The following NETO2 variants were observed in gnomAD, a reference collection of about 807,000 sequenced individuals.
NETO2 encodes neuropilin and tolloid-like protein 2.
A neutral mutation model predicts 62.5 loss-of-function variants in NETO2; 28 were observed. That is an observed-to-expected ratio of 0.45 (90% CI 0.33 to 0.61). The LOEUF is 0.61. Among genes scored for constraint, NETO2 ranks in the 20% least tolerant of loss-of-function variants. NETO2 has a pLI of 0.02. For missense variants in NETO2, 548 were observed against 643.2 expected, an observed-to-expected ratio of 0.85 and a Z score of 1.60; for synonymous variants, 214 against 219.1, an observed-to-expected ratio of 0.98 and a Z score of 0.21.
chr16:47,101,177 G>GA (rs1012507783), intron 7 of NETO2, among the ~76,000 whole-genome samples: 1 of 151,572 alleles, frequency 6.6e-6, no homozygotes, highest in Non-Finnish European at 1.5e-5. Context: ...GACCCAATGA[G>GA]AAAAACCACA....
At chr16:47,130,589 A>G (rs189415849) in intron 2 of NETO2, among the ~76,000 whole-genome samples, 24 of 152,270 alleles carry the variant, frequency 1.6e-4, no homozygotes, top group African/African-American at 5.3e-4. Context: ...TAAATCTATA[A>G]GACAAAAACA....
rs777140289 is a variant in NETO2 at position 47,082,012 on chromosome 16, T to C, written c.*1209A>G. On this transcript the variant is annotated 3_prime_UTR_variant, in exon 9 of 9. Transcript: ENST00000562435. ...TGTGAACACTGAAAGGAATCTGTCC[T>C]GTAGGTCTTTCATCTTGATTTAATA... 4.6e-5 allele frequency: 7 copies of C among 152,796 alleles called. No individual in the cohort carries two copies. Among genetic ancestry groups the C allele is most frequent in the Non-Finnish European group, 8.8e-5 (6 of 68,022 alleles). The allele number at this position is 152,796 out of a possible 1,614,324, so 9.5% of individuals were successfully genotyped here.
chr16:47,080,164 T>C lies in NETO2; in HGVS notation c.*3057A>G, dbSNP rs927974141. On this transcript the variant is annotated 3_prime_UTR_variant, in exon 9 of 9. Coordinates refer to ENST00000562435, the MANE Select transcript of NETO2 (RefSeq NM_018092.5). ...ACACTCTCCCCACACACAAAAGGAATATCACATCTTATTCCTACATGCTTT... is the reference window on the plus strand; with the variant it reads ...ACACTCTCCCCACACACAAAAGGAACATCACATCTTATTCCTACATGCTTT... 6.6e-6 allele frequency: 1 copy of C among 152,248 alleles called. No homozygotes were observed. Among genetic ancestry groups the C allele is most frequent in the Admixed American group, 6.5e-5 (1 of 15,288 alleles). 9.4% of individuals were successfully genotyped at this position (152,248 alleles called of 1,614,324 possible). A position where few individuals can be genotyped will look rare whatever the true frequency, so the allele number is the denominator to read the frequency against.
In NETO2 at chr16:47,128,429, C is replaced by G. The variant is rs1964199029; in HGVS notation, c.377G>C (p.Ser126Thr). Reference protein sequence around the residue: ...PLIDRYCGVKSPPLIRSTGRF... With the variant: ...PLIDRYCGVKTPPLIRSTGRF... ...CCCTGTTGATCTAATTAATGGAGGG[C>G]TTTTCACGCCACAGTAACGATCTAT... is the stretch of plus-strand genomic sequence containing the variant. The change falls in exon 4 of 9, where the codon AGC (serine) becomes ACC (threonine). Residue 126 changes from serine (S) to threonine (T), a missense_variant. Coordinates refer to ENST00000562435, the MANE Select transcript of NETO2 (RefSeq NM_018092.5). The G allele has an allele frequency of 6.2e-7, 1 of 1,614,074 alleles. No homozygotes were observed.
intron 7 of NETO2, among the ~76,000 whole-genome samples, chr16:47,105,031 C>CT (rs966217650): frequency 1.8e-4 from 25 of 141,864 alleles, no homozygotes; most frequent in Non-Finnish European, 3.2e-4. Flanking sequence ...TTTTTTTTTT[C>CT]TTTTTTTTAC....
rs33994080 is a variant in NETO2 at position 47,114,439 on chromosome 16, C to CTTT, written c.655-4731_655-4729dup. On this transcript the variant is annotated intron_variant, in intron 6 of 8. Coordinates refer to ENST00000562435, the MANE Select transcript of NETO2 (RefSeq NM_018092.5). Reference sequence around the variant, plus strand: ...TTTCATTAGTCCAATTTATAAATTTCTTTTTTTTTTTTTTTTTTTTTTTTT... The same window carrying CTTT: ...TTTCATTAGTCCAATTTATAAATTTCTTTTTTTTTTTTTTTTTTTTTTTTTTTT... Among the ~76,000 whole-genome samples the CTTT allele has an allele frequency of 5.5e-4, 21 of 37,932 alleles. 2 individuals carry two copies. Among genetic ancestry groups the CTTT allele is most frequent in the Non-Finnish European group, 7.6e-4 (15 of 19,746 alleles). The allele number at this position is 37,932 out of a possible 152,430, so 24.9% of individuals were successfully genotyped here.
At position 47,122,724 on chromosome 16, in the gene NETO2, T is replaced by C; in HGVS notation, c.587A>G (p.Glu196Gly). 6.2e-7 allele frequency: 1 copy of C among 1,614,132 alleles called. No homozygotes were observed. Among genetic ancestry groups the C allele is most frequent in the Non-Finnish European group, 8.5e-7 (1 of 1,180,022 alleles). The change falls in exon 6 of 9, where the codon GAG becomes GGG. Residue 196 changes from glutamate to glycine, a missense_variant. Physicochemically the swap from Glu to Gly is moderately conservative, Grantham distance 98. Transcript: ENST00000562435. ...GGCTTGGCCTGGTTTTGTTTTCTCCTCTTGTTCTACCTGACTAGAGCGCAC... is the reference window on the plus strand; with the variant it reads ...GGCTTGGCCTGGTTTTGTTTTCTCCCCTTGTTCTACCTGACTAGAGCGCAC... ...GIVRSSQVEQ[E>G]EKTKPGQAVD...
intron 6 of NETO2, among the ~76,000 whole-genome samples, chr16:47,110,177 T>G (rs1216205983): frequency 1.3e-5 from 2 of 152,220 alleles, no homozygotes; most frequent in Admixed American, 1.3e-4. Flanking sequence ...TATAAAAATG[T>G]TTTTATCTAT....
intron 6 of NETO2, among the ~76,000 whole-genome samples, chr16:47,119,915 T>C (rs1964003363): frequency 6.6e-6 from 1 of 152,248 alleles, no homozygotes; most frequent in African/African-American, 2.4e-5. Flanking sequence ...TGTATCTGTT[T>C]TGATGAATGT....
At position 47,080,237 on chromosome 16, in the gene NETO2, G is replaced by T. The variant is rs1364899354; in HGVS notation, c.*2984C>A. 1.3e-5 allele frequency: 2 copies of T among 152,186 alleles called. No individual in the cohort carries two copies. The highest frequency in any genetic ancestry group is 2.9e-5 in the Non-Finnish European group (2 of 68,042). 9.4% of individuals were successfully genotyped at this position (152,186 alleles called of 1,614,324 possible). On this transcript the variant is annotated 3_prime_UTR_variant, in exon 9 of 9. Coordinates refer to ENST00000562435, the MANE Select transcript of NETO2 (RefSeq NM_018092.5). ...CCTGCAATAGATCTGTGGGCATTTG[G>T]GGGATGATGCGGTGAATTGCAGATG... is the stretch of plus-strand genomic sequence containing the variant.
chr16:47,078,474 C>G lies in NETO2; in HGVS notation c.*4747G>C, dbSNP rs1037348199. On this transcript the variant is annotated 3_prime_UTR_variant, in exon 9 of 9. Transcript: ENST00000562435. ...TAGACAGTGCATACTAAACATGCAC[C>G]CTAGTCATTAGCTTTTTAGGCTTTG... The G allele has an allele frequency of 1.3e-4, 20 of 152,174 alleles. No homozygotes were observed. The highest frequency in any genetic ancestry group is 1.0e-3 in the Admixed American group (16 of 15,290). The allele number at this position is 152,174 out of a possible 1,614,324, so 9.4% of individuals were successfully genotyped here. A position where few individuals can be genotyped will look rare whatever the true frequency, so the allele number is the denominator to read the frequency against.
intron 7 of NETO2, among the ~76,000 whole-genome samples, chr16:47,097,223 A>C (rs1963444985): frequency 6.6e-6 from 1 of 152,188 alleles, no homozygotes; most frequent in Non-Finnish European, 1.5e-5. Flanking sequence ...CAAGTGGTGT[A>C]GTTCAGCAGA....
chr16:47,142,649 C>A (rs1192707702), intron 1 of NETO2, among the ~76,000 whole-genome samples: 3 of 152,140 alleles, frequency 2.0e-5, no homozygotes, highest in Non-Finnish European at 4.4e-5. Context: ...AAAGGGAAGT[C>A]CTTTACTGAG....
At chr16:47,141,577 T>C (rs534506603) in intron 1 of NETO2, among the ~76,000 whole-genome samples, 4 of 152,340 alleles carry the variant, frequency 2.6e-5, no homozygotes, top group African/African-American at 9.6e-5. Flanking sequence ...CAACTACTGT[T>C]AACAATTTAT....
At chr16:47,117,086 T>C (rs1268079842) in intron 6 of NETO2, among the ~76,000 whole-genome samples, 1 of 152,166 alleles carries the variant, frequency 6.6e-6, no homozygotes, top group African/African-American at 2.4e-5. Flanking sequence ...ATAACTTCCT[T>C]TATAGCAAGT....
rs563387457 is a variant in NETO2 at position 47,130,129 on chromosome 16, C to T, written c.92-765G>A. 3.0e-4 allele frequency among the ~76,000 whole-genome samples: 45 copies of T among 152,280 alleles called. No homozygotes were observed. In the Middle Eastern group the frequency reaches 0.01, roughly 35 times the overall value. On this transcript the variant is annotated intron_variant, in intron 2 of 8. Transcript: ENST00000562435. ...AGGGGACACCAGGAACAGTTGAGAA[C>T]GAAAACAGGGAGACGAGTGAATGTT...
chr16:47,084,874 T>C (rs560309502), intron 8 of NETO2, among the ~76,000 whole-genome samples: 260 of 152,340 alleles, frequency 1.7e-3, no homozygotes, highest in Middle Eastern at 0.017. Flanking sequence ...TGGTGAGTTG[T>C]ATGATTATTT....
At chr16:47,098,909 G>A (rs1369708076) in intron 7 of NETO2, among the ~76,000 whole-genome samples, 1 of 152,086 alleles carries the variant, frequency 6.6e-6, no homozygotes, top group Non-Finnish European at 1.5e-5. Context: ...ACGGAGTCTC[G>A]CTCTGTCACA....
intron 7 of NETO2, among the ~76,000 whole-genome samples, chr16:47,102,242 T>G (rs1263979699): frequency 6.6e-6 from 1 of 152,156 alleles, no homozygotes; most frequent in Non-Finnish European, 1.5e-5. Context: ...TGCAGAAAAC[T>G]GAAACTGGAC....
Sources: gnomAD v4.1 joint callset for allele counts (sites outside exome capture counted in the v4.1 genomes callset) on GRCh38, gnomAD v4.1.1 for gene constraint, MANE v1.5 for transcripts, NCBI Gene and HGNC (gene_info 2026-07-23, HGNC 2026-07-21) for gene names.